Variants in PTH2R observed in about 807,000 individuals in gnomAD.
The protein encoded by PTH2R is parathyroid hormone 2 receptor, also known as PTH2 receptor.
A neutral mutation model predicts 60.3 loss-of-function variants in PTH2R; 59 were observed. That is an observed-to-expected ratio of 0.98 (90% CI 0.79 to 1.22). The LOEUF (loss-of-function observed/expected upper bound fraction) is 1.22, where lower values mean the gene tolerates loss of function less well. Ranked by LOEUF, PTH2R falls within the 50% of genes most tolerant of loss-of-function variation. PTH2R has a pLI of 0.00. For synonymous variants in PTH2R, 256 were observed against 243.8 expected (o/e 1.05, Z -0.47); for missense variants, 749 against 682.6 (o/e 1.10, Z -1.08).
intron 8 of PTH2R, among the ~76,000 whole-genome samples, chr2:208,459,025 G>A (rs550899618): frequency 5.3e-5 from 8 of 152,024 alleles, no homozygotes; most frequent in East Asian, 1.9e-4. Context: ...TTGAGGAATC[G>A]CCATACTGCT....
chr2:208,466,776 A>G (rs530409920), intron 9 of PTH2R: 17 of 152,324 alleles, frequency 1.1e-4, no homozygotes, highest in East Asian at 3.9e-4. Flanking sequence ...CATTGAATAC[A>G]TTAATTTTTA....
chr2:208,362,582 G>A (rs1201082598), intron 1 of PTH2R, among the ~76,000 whole-genome samples: 1 of 152,166 alleles, frequency 6.6e-6, no homozygotes, highest in East Asian at 1.9e-4. Flanking sequence ...AATTCTGACT[G>A]ATACAGGTTG....
intron 8 of PTH2R, among the ~76,000 whole-genome samples, chr2:208,451,220 T>C (rs1477936924): frequency 6.6e-6 from 1 of 152,026 alleles, no homozygotes; most frequent in Non-Finnish European, 1.5e-5. Context: ...GAGGATGGTG[T>C]GGTTATGAGG....
chr2:208,455,837 C>T (rs1702499728), intron 8 of PTH2R, among the ~76,000 whole-genome samples: 2 of 152,320 alleles, frequency 1.3e-5, no homozygotes, highest in South Asian at 4.1e-4. Flanking sequence ...CTCTGATTTT[C>T]TCTGCATCTT....
In PTH2R at chr2:208,489,143, C is replaced by T; in HGVS notation, c.1208C>T (p.Ser403Phe). The change falls in exon 11 of 13, where the codon TCC (serine) becomes TTC (phenylalanine). Residue 403 changes from serine to phenylalanine, a missense_variant. Coordinates refer to ENST00000272847, the MANE Select transcript of PTH2R (RefSeq NM_005048.4). ...ATGCACTGTGAGCTCTTCTTCAACT[C>T]CTTTCAGGTAAAGGGTGCTGCCTAG... Reference protein sequence around the residue: ...IRMHCELFFNSFQGFFVSIIY... With the variant: ...IRMHCELFFNFFQGFFVSIIY... The T allele has an allele frequency of 5.0e-6, 8 of 1,614,020 alleles. No individual in the cohort carries two copies. Among genetic ancestry groups the T allele is most frequent in the Non-Finnish European group, 6.8e-6 (8 of 1,179,950 alleles).
chr2:208,395,664 C>T (rs1269740806), intron 1 of PTH2R, among the ~76,000 whole-genome samples: 1 of 152,178 alleles, frequency 6.6e-6, no homozygotes, highest in African/African-American at 2.4e-5. Flanking sequence ...AACAGGATAG[C>T]TGAGGATTCT....
rs535177519 is a variant in PTH2R at position 208,391,952 on chromosome 2, G to A, written c.-259+31715G>A. On this transcript the variant is annotated intron_variant, in intron 1 of 12. Coordinates refer to the PTH2R transcript ENST00000617735. Reference sequence around the variant, plus strand: ...CACATACTGCAAGACCCTAACTTGAGTATGAGAGAACTCAGAGAGGTCTGG... The same window carrying A: ...CACATACTGCAAGACCCTAACTTGAATATGAGAGAACTCAGAGAGGTCTGG... 3.3e-5 allele frequency among the ~76,000 whole-genome samples: 5 copies of A among 152,316 alleles called. No individual in the cohort carries two copies. The South Asian group carries it at 1.0e-3, about 32-fold the overall frequency.
intron 2 of PTH2R, among the ~76,000 whole-genome samples, chr2:208,429,845 T>A (rs937224901): frequency 3.3e-5 from 5 of 152,206 alleles, no homozygotes; most frequent in African/African-American, 1.2e-4. Context: ...AGGACACACA[T>A]AGAGTTTTTC....
chr2:208,449,412 A>G (rs1559223707), intron 7 of PTH2R, among the ~76,000 whole-genome samples: 1 of 150,268 alleles, frequency 6.7e-6, no homozygotes. Flanking sequence ...ACATAAATAG[A>G]CAATAAATGA....
At chr2:208,484,898 G>T (rs1574915019) in intron 10 of PTH2R, among the ~76,000 whole-genome samples, 1 of 152,144 alleles carries the variant, frequency 6.6e-6, no homozygotes, top group South Asian at 2.1e-4. Flanking sequence ...GAAGCAAACA[G>T]CATGGGATGT....
intron 9 of PTH2R, among the ~76,000 whole-genome samples, chr2:208,460,635 C>T (rs1401950799): frequency 6.6e-6 from 1 of 152,104 alleles, no homozygotes; most frequent in African/African-American, 2.4e-5. Flanking sequence ...GAAAACAAAA[C>T]CACACACTTC....
At chr2:208,482,061 T>C (rs1313048772) in intron 10 of PTH2R, among the ~76,000 whole-genome samples, 1 of 152,242 alleles carries the variant, frequency 6.6e-6, no homozygotes, top group South Asian at 2.1e-4. Flanking sequence ...TGGATTTGGC[T>C]TTATAATCTC....
intron 2 of PTH2R, among the ~76,000 whole-genome samples, chr2:208,429,073 ACT>A (rs1161467223): frequency 9.0e-6 from 1 of 111,634 alleles, no homozygotes; most frequent in Non-Finnish European, 1.8e-5. Flanking sequence ...TGACAGAGCG[ACT>A]CTCTGTCTCA....
chr2:208,432,667 C>T (rs1318750528), intron 2 of PTH2R, among the ~76,000 whole-genome samples: 1 of 152,110 alleles, frequency 6.6e-6, no homozygotes, highest in Non-Finnish European at 1.5e-5. Context: ...GTCCAAGAGC[C>T]TCAAAAACAG....
chr2:208,397,458 T>C (rs926447132), intron 1 of PTH2R, among the ~76,000 whole-genome samples: 2 of 152,172 alleles, frequency 1.3e-5, no homozygotes, highest in South Asian at 2.1e-4. Flanking sequence ...ACCAGGGTCC[T>C]TGGTCTTGCA....
chr2:208,453,174 T>C (rs1702441616), intron 8 of PTH2R, among the ~76,000 whole-genome samples: 3 of 152,224 alleles, frequency 2.0e-5, no homozygotes, highest in Non-Finnish European at 4.4e-5. Flanking sequence ...TTCTGTTCTC[T>C]AAATCAGAAA....
intron 7 of PTH2R, among the ~76,000 whole-genome samples, chr2:208,449,963 C>T (rs1223423956): frequency 6.6e-6 from 1 of 152,142 alleles, no homozygotes; most frequent in African/African-American, 2.4e-5. Flanking sequence ...AAAGTCATCT[C>T]TTAAGTCTTT....
chr2:208,437,322 A>G (rs1480092727), intron 2 of PTH2R, among the ~76,000 whole-genome samples: 3 of 152,212 alleles, frequency 2.0e-5, no homozygotes, highest in African/African-American at 2.4e-5. Context: ...GATGTATGCA[A>G]AGCAAATGTT....
At chr2:208,418,520 AG>A (rs1701687670) in intron 1 of PTH2R, among the ~76,000 whole-genome samples, 2 of 152,182 alleles carry the variant, frequency 1.3e-5, no homozygotes, top group African/African-American at 4.8e-5. Context: ...AAAGTGATAA[AG>A]TTTAACACCC....
Sources: gnomAD v4.1 joint callset for allele counts (sites outside exome capture counted in the v4.1 genomes callset) on GRCh38, gnomAD v4.1.1 for gene constraint, MANE v1.5 for transcripts, NCBI Gene and HGNC (gene_info 2026-07-23, HGNC 2026-07-21) for gene names.